The following VIPAS39 variants were observed in gnomAD, a reference collection of about 807,000 sequenced individuals.
The protein encoded by VIPAS39 is VPS33B interacting protein, apical-basolateral polarity regulator, spe-39 homolog, also known as spermatogenesis-defective protein 39 homolog.
VIPAS39 carries 63 observed loss-of-function variants against 84.7 expected under a neutral mutation model. That is an observed-to-expected ratio of 0.74 (90% CI 0.61 to 0.92). The LOEUF is 0.92. VIPAS39 is among the 40% of genes least tolerant of loss of function. The probability of loss-of-function intolerance (pLI) is 0.00; values close to 1 mark genes in which losing one functional copy is unlikely to be tolerated. For synonymous variants in VIPAS39, 192 were observed against 216.5 expected, an observed-to-expected ratio of 0.89 and a Z score of 0.99; for missense variants, 499 against 604.5, an observed-to-expected ratio of 0.83 and a Z score of 1.83.
chr14:77,433,992 A>G, intron 15 of VIPAS39, 61 bp from the exon 16 acceptor site: 1 of 1,543,458 alleles, frequency 6.5e-7, no homozygotes, highest in South Asian at 1.1e-5. Context: ...GGGGGTGCTT[A>G]AGAATTTTAG....
At chr14:77,446,604 T>C (rs1326998751) in intron 7 of VIPAS39, among the ~76,000 whole-genome samples, 1 of 152,134 alleles carries the variant, frequency 6.6e-6, no homozygotes, top group Non-Finnish European at 1.5e-5. Context: ...CTAAAATCGA[T>C]ATGGAAGTAT....
intron 3 of VIPAS39, 85 bp from the exon 4 acceptor site, chr14:77,451,418 T>C: frequency 6.2e-7 from 1 of 1,607,906 alleles, no homozygotes; most frequent in Non-Finnish European, 8.5e-7. Flanking sequence ...TAAAAGCTTT[T>C]CACCAGAAGC....
intron 1 of VIPAS39, 82 bp downstream of exon 1, chr14:77,457,413 C>T: frequency 6.5e-7 from 1 of 1,534,774 alleles, no homozygotes; most frequent in Non-Finnish European, 8.7e-7. Flanking sequence ...AGGGATGCCT[C>T]CTAGAAGAGG....
chr14:77,455,311 T>C (rs538473257), intron 1 of VIPAS39, among the ~76,000 whole-genome samples: 1 of 151,986 alleles, frequency 6.6e-6, no homozygotes, highest in South Asian at 2.1e-4. Context: ...TAAAACTGTC[T>C]CTACAAAAAA....
chr14:77,428,905 T>C (rs1427535989), intron 18 of VIPAS39, 101 bp downstream of exon 18: 2 of 1,079,322 alleles, frequency 1.9e-6, no homozygotes, highest in Non-Finnish European at 2.9e-6. Context: ...CAGTCAAACC[T>C]GGTGGGAGCA....
rs2078447307 is a variant in VIPAS39 at position 77,427,465 on chromosome 14, C to A, written c.*151G>T. The A allele has an allele frequency of 1.2e-6, 1 of 860,020 alleles. No homozygotes were observed. Among genetic ancestry groups the A allele is most frequent in the African/African-American group, 1.7e-5 (1 of 59,492 alleles). 53.3% of individuals were successfully genotyped at this position (860,020 alleles called of 1,614,324 possible). ...GATGTTCCTTGGACAGAAGATCAGT[C>A]TGAAGTTATCTGTGTCAAGAGTAGC... is the stretch of plus-strand genomic sequence containing the variant. On this transcript the variant is annotated 3_prime_UTR_variant, in exon 20 of 20. Coordinates refer to ENST00000557658, the MANE Select transcript of VIPAS39 (RefSeq NM_001193315.2).
At chr14:77,436,707 C>A (rs1026794177) in intron 12 of VIPAS39, among the ~76,000 whole-genome samples, 1 of 152,188 alleles carries the variant, frequency 6.6e-6, no homozygotes, top group African/African-American at 2.4e-5. Context: ...CCTCCCAAGG[C>A]GCTGGGATTA....
chr14:77,428,342 G>C (rs947875205), intron 19 of VIPAS39, 28 bp downstream of exon 19: 1 of 1,594,276 alleles, frequency 6.3e-7, no homozygotes, highest in Non-Finnish European at 8.6e-7. Context: ...TCCTGAGCCT[G>C]CTGGAGGGGT....
Position 77,444,454 on chromosome 14 carries a change from CTT to C in VIPAS39, c.505-115_505-114del, listed in dbSNP as rs949455854. 4.7e-5 allele frequency: 45 copies of C among 960,194 alleles called. No individual in the cohort carries two copies. The African/African-American group carries it at 6.8e-4, about 15-fold the overall frequency. The allele number at this position is 960,194 out of a possible 1,614,324, so 59.5% of individuals were successfully genotyped here. A position where few individuals can be genotyped will look rare whatever the true frequency, so the allele number is the denominator to read the frequency against. The stretch of plus-strand genomic sequence containing the variant: ...AACAAAATGTCCCCAAGGAGAGTCT[CTT>C]TATTTTTACCCTATGGTCCCCAGCA... On this transcript the variant is annotated intron_variant, in intron 7 of 19. Transcript: ENST00000557658.
intron 4 of VIPAS39, among the ~76,000 whole-genome samples, chr14:77,450,429 C>T (rs2078864224): frequency 1.3e-5 from 2 of 152,214 alleles, no homozygotes; most frequent in South Asian, 4.1e-4. Context: ...CTACTATCAA[C>T]ATGGAGGTAC....
intron 3 of VIPAS39, 51 bp downstream of exon 3, chr14:77,453,247 CA>C (rs2078910010): frequency 6.5e-7 from 1 of 1,546,328 alleles, no homozygotes; most frequent in East Asian, 2.2e-5. Flanking sequence ...GAGCCTTTAT[CA>C]GTGATAAGAA....
chr14:77,449,754 T>A lies in VIPAS39; in HGVS notation c.344-2A>T. 6.2e-7 allele frequency: 1 copy of A among 1,614,082 alleles called. No individual in the cohort carries two copies. Among genetic ancestry groups the A allele is most frequent in the Middle Eastern group, 1.6e-4 (1 of 6,062 alleles). On this transcript the variant is annotated splice_acceptor_variant, in intron 4 of 19. Coordinates refer to ENST00000557658, the MANE Select transcript of VIPAS39 (RefSeq NM_001193315.2). LOFTEE classifies it high-confidence loss of function. Reference sequence around the variant, plus strand: ...GGAAACTTCCAGGTCTAGTTCTACCTAAAGGTAAAGAACACAAGAGGGAAA... The same window carrying A: ...GGAAACTTCCAGGTCTAGTTCTACCAAAAGGTAAAGAACACAAGAGGGAAA...
intron 13 of VIPAS39, 121 bp from the exon 14 acceptor site, chr14:77,435,514 A>G: frequency 7.5e-7 from 1 of 1,340,110 alleles, no homozygotes; most frequent in Non-Finnish European, 1.0e-6. Flanking sequence ...AACAAAGAAC[A>G]GAAAAAGAAA....
chr14:77,441,732 C>T (rs1375488247), intron 10 of VIPAS39, among the ~76,000 whole-genome samples: 1 of 152,192 alleles, frequency 6.6e-6, no homozygotes, highest in Admixed American at 6.5e-5. Context: ...TTTTCCCCAC[C>T]TCAGTCTTTT....
At chr14:77,449,839 C>T in intron 4 of VIPAS39, 87 bp from the exon 5 acceptor site, 1 of 1,405,242 alleles carries the variant, frequency 7.1e-7, no homozygotes, top group East Asian at 2.3e-5. Flanking sequence ...GTGTAACCAA[C>T]TCAATAACGC....
In VIPAS39 at chr14:77,453,075, T is replaced by C. The variant is rs2364157; in HGVS notation, c.196+224A>G. ...CCCAAATGAGAATGAAATAGCCAGC[T>C]AAGAGTCAACCCCTGAAGAGCAGAC... On this transcript the variant is annotated intron_variant, in intron 3 of 19. Coordinates refer to ENST00000557658, the MANE Select transcript of VIPAS39 (RefSeq NM_001193315.2). 0.96 allele frequency among the ~76,000 whole-genome samples: 145,670 copies of C among 152,222 alleles called. 70,013 individuals carry two copies. The highest frequency in any genetic ancestry group is 1 in the East Asian group (5,174 of 5,174).
intron 14 of VIPAS39, 30 bp downstream of exon 14, chr14:77,435,229 T>C (rs1395799232): frequency 1.9e-6 from 3 of 1,613,364 alleles, no homozygotes; most frequent in Non-Finnish European, 2.5e-6. Context: ...GCAATGAGAG[T>C]TTGTGGAATC....
chr14:77,430,801 T>C (rs2078510564), intron 16 of VIPAS39, among the ~76,000 whole-genome samples: 1 of 151,284 alleles, frequency 6.6e-6, no homozygotes, highest in Non-Finnish European at 1.5e-5. Context: ...AAGTTACATA[T>C]ATTAATCAAA....
rs777254676 is a variant in VIPAS39 at position 77,427,630 on chromosome 14, G to A, written c.1468C>T (p.Arg490Ter). 3.1e-6 allele frequency: 5 copies of A among 1,614,022 alleles called. No homozygotes were observed. Among genetic ancestry groups the A allele is most frequent in the African/African-American group, 2.7e-5 (2 of 74,908 alleles). Residue 490 changes from arginine (R) to a stop codon, truncating the protein, a stop_gained, in exon 20 of 20, where the codon CGA (arginine) becomes TGA (stop). Transcript: ENST00000557658. LOFTEE classifies it high-confidence loss of function. ...IDALLSSSQI[R>*]WKN is the part of the protein sequence containing the mutation. Reference sequence around the variant, plus strand: ...GTCAATGCCACTTAATTCTTCCATCGAATTTGCTGTGGAAAGAGGAAACAA... The same window carrying A: ...GTCAATGCCACTTAATTCTTCCATCAAATTTGCTGTGGAAAGAGGAAACAA...
Sources: allele counts gnomAD v4.1 joint callset (sites outside exome capture counted in the v4.1 genomes callset), GRCh38; gene constraint gnomAD v4.1.1; transcripts MANE v1.5; gene names NCBI Gene and HGNC (gene_info 2026-07-23, HGNC 2026-07-21).